ITIH2: variants seen among roughly 807,000 people sequenced by gnomAD.
The protein encoded by ITIH2 is inter-alpha-trypsin inhibitor heavy chain H2.
ITIH2 carries 103 observed loss-of-function variants against 104.4 expected under a neutral mutation model. The observed-to-expected ratio is 0.99, with a 90% CI of 0.84 to 1.16. ITIH2 has a LOEUF of 1.16. ITIH2 is among the 50% of genes most tolerant of loss of function. The pLI is 0.00. For synonymous variants in ITIH2, 436 were observed against 435.4 expected (o/e 1.00, Z -0.02); for missense variants, 1,108 against 1,162.4 (o/e 0.95, Z 0.68).
chr10:7,729,861 C>T, intron 11 of ITIH2, 91 bp from the exon 12 acceptor site: 1 of 784,908 alleles, frequency 1.3e-6, no homozygotes, highest in Non-Finnish European at 2.0e-6. Flanking sequence ...TTAATCTGGA[C>T]ACACTTTACT....
chr10:7,721,754 GAA>G lies in ITIH2; in HGVS notation c.845_846del (p.Glu282GlyfsTer5). 6.2e-7 allele frequency: 1 copy of G among 1,614,078 alleles called. No individual in the cohort carries two copies. The highest frequency in any genetic ancestry group is 1.1e-5 in the South Asian group (1 of 91,076). On this transcript the variant is annotated frameshift_variant, in exon 8 of 21. Coordinates refer to ENST00000358415, the MANE Select transcript of ITIH2 (RefSeq NM_002216.3). LOFTEE classifies it high-confidence loss of function. Reference protein sequence around the residue: ...ELVVLYDVKREEKAGELEVFN... With the variant: ...ELVVLYDVKRXEKAGELEVFN... ...GGTGGTGCTGTATGACGTGAAAAGA[GAA>G]GAGAAGGCTGGTGAACTGGAGGTGA...
At chr10:7,725,593 T>C (rs936423236) in intron 9 of ITIH2, among the ~76,000 whole-genome samples, 4 of 152,182 alleles carry the variant, frequency 2.6e-5, no homozygotes, top group South Asian at 2.1e-4. Flanking sequence ...CCCCAGGACT[T>C]AGCCTGAGTG....
chr10:7,736,904 T>C (rs756530907), intron 15 of ITIH2, among the ~76,000 whole-genome samples: 1 of 152,172 alleles, frequency 6.6e-6, no homozygotes. Context: ...CTCGCTTATC[T>C]GAACTCTTTC....
chr10:7,712,254 C>A (rs1834803288), intron 4 of ITIH2, among the ~76,000 whole-genome samples: 1 of 152,088 alleles, frequency 6.6e-6, no homozygotes, highest in African/African-American at 2.4e-5. Flanking sequence ...TGGTGAGGGC[C>A]CATTTCCTGG....
At chr10:7,718,756 C>T (rs141431371) in intron 6 of ITIH2, among the ~76,000 whole-genome samples, 1 of 152,094 alleles carries the variant, frequency 6.6e-6, no homozygotes, top group African/African-American at 2.4e-5. Flanking sequence ...TTAGCTCCTG[C>T]TTAGAAGTGA....
intron 9 of ITIH2, among the ~76,000 whole-genome samples, chr10:7,725,958 A>T (rs894331571): frequency 1.3e-5 from 2 of 152,192 alleles, no homozygotes; most frequent in African/African-American, 4.8e-5. Context: ...AAAAATCAAG[A>T]GAGAATGAGG....
In ITIH2 at chr10:7,749,434, C is replaced by T; in HGVS notation, c.*100C>T. 1 of 1,042,018 alleles carries T rather than the reference C, an allele frequency of 9.6e-7. No homozygotes were observed. The allele number at this position is 1,042,018 out of a possible 1,614,324, so 64.5% of individuals were successfully genotyped here. On this transcript the variant is annotated 3_prime_UTR_variant, in exon 21 of 21. Coordinates refer to ENST00000358415, the MANE Select transcript of ITIH2 (RefSeq NM_002216.3). ...TGAATAATTAAAATGAACCAGATAT[C>T]AGGGTGGTTAATTAAAATGAACCAG...
intron 14 of ITIH2, among the ~76,000 whole-genome samples, chr10:7,734,574 A>G (rs1482538809): frequency 6.6e-6 from 1 of 152,186 alleles, no homozygotes; most frequent in Non-Finnish European, 1.5e-5. Flanking sequence ...ATGTGCCTGT[A>G]GTCTCAGCTA....
At chr10:7,708,975 T>G in intron 3 of ITIH2, 47 bp from the exon 4 acceptor site, 1 of 1,499,410 alleles carries the variant, frequency 6.7e-7, no homozygotes, top group Non-Finnish European at 9.3e-7. Flanking sequence ...GATGAAGTTC[T>G]GTGTGATTTT....
rs537160383 is a variant in ITIH2, at chr10:7,732,400, G to A, written c.1710G>A (p.Ser570=). The A allele has an allele frequency of 2.8e-5, 45 of 1,613,980 alleles. No homozygotes were observed. Among genetic ancestry groups the A allele is most frequent in the Admixed American group, 2.3e-4 (14 of 60,010 alleles). ...AQMDDLQDFL[S]KDKHADPDFT... ...TGGACGACTTGCAGGATTTTCTATC[G>A]AAAGACAAGCATGCAGATCCCGATT... The change falls in exon 14 of 21, where the codon TCG becomes TCA. Residue 570 remains serine, a synonymous_variant. Transcript: ENST00000358415.
chr10:7,710,967 A>G lies in ITIH2; in HGVS notation c.362+1776A>G, dbSNP rs990373446. ...TTTAAGTTCTGGGATACGTGTGCAGAATGTATAGGTTTGTTACATAGGTAC... is the reference window on the plus strand; with the variant it reads ...TTTAAGTTCTGGGATACGTGTGCAGGATGTATAGGTTTGTTACATAGGTAC... On this transcript the variant is annotated intron_variant, in intron 4 of 20. Transcript: ENST00000358415. 9.2e-5 allele frequency among the ~76,000 whole-genome samples: 14 copies of G among 151,372 alleles called. No homozygotes were observed. The South Asian group carries it at 2.7e-3, about 29-fold the overall frequency.
chr10:7,729,523 T>A (rs12250737), intron 11 of ITIH2, among the ~76,000 whole-genome samples: 1 of 152,154 alleles, frequency 6.6e-6, no homozygotes, highest in South Asian at 2.1e-4. Context: ...CATACATTTA[T>A]ACATGCATGC....
At chr10:7,745,671 C>T (rs934209102) in intron 19 of ITIH2, among the ~76,000 whole-genome samples, 4 of 151,860 alleles carry the variant, frequency 2.6e-5, no homozygotes, top group Admixed American at 1.3e-4. Flanking sequence ...TCTTGAGCCC[C>T]GGAATTGGAG....
In ITIH2 at chr10:7,735,069, GCAGGATCCCTCCTGCTGCT is replaced by G; in HGVS notation, c.1940_1957+1del. 6.2e-7 allele frequency: 1 copy of G among 1,610,226 alleles called. No homozygotes were observed. The highest frequency in any genetic ancestry group is 8.5e-7 in the Non-Finnish European group (1 of 1,179,708). On this transcript the variant is annotated frameshift_variant, in exon 15 of 21. Transcript: ENST00000358415. LOFTEE classifies it high-confidence loss of function. ...AGCGCATGCTGGCGGATGCCCCACC[GCAGGATCCCTCCTGCTGCT>G]CAGGTCAGGGCTGCACCTGTGGGGA...
intron 15 of ITIH2, among the ~76,000 whole-genome samples, chr10:7,738,405 CT>C (rs1326052057): frequency 1.3e-5 from 2 of 149,414 alleles, no homozygotes; most frequent in Non-Finnish European, 2.9e-5. Context: ...CACTGCCACC[CT>C]TGCTCAGGTT....
rs1564304059 is a variant in ITIH2 at position 7,732,471 on chromosome 10, C to A, written c.1781C>A (p.Ala594Asp). The change falls in exon 14 of 21, where the codon GCT (alanine) becomes GAT (aspartate). Residue 594 changes from alanine to aspartate, a missense_variant. By Grantham distance (126) the Ala-to-Asp change is moderately radical. Coordinates refer to ENST00000358415, the MANE Select transcript of ITIH2 (RefSeq NM_002216.3). The part of the protein sequence containing the change: ...WAYLTINQLL[A>D]ERSLAPTAAA... ...TATCTAACCATCAACCAACTGCTAG[C>A]TGAACGGTAAGAAGAGAAGAGTACC... 1 of 1,613,432 alleles carries A rather than the reference C, an allele frequency of 6.2e-7. No individual in the cohort carries two copies. The highest frequency in any genetic ancestry group is 1.3e-5 in the African/African-American group (1 of 75,004).
At chr10:7,708,020 T>C (rs1207868788) in intron 3 of ITIH2, among the ~76,000 whole-genome samples, 1 of 152,226 alleles carries the variant, frequency 6.6e-6, no homozygotes. Context: ...TGGCTTATGT[T>C]GTGCTTCCTG....
intron 20 of ITIH2, among the ~76,000 whole-genome samples, chr10:7,747,896 T>C (rs1380095632): frequency 1.3e-5 from 2 of 151,040 alleles, no homozygotes; most frequent in East Asian, 3.9e-4. Flanking sequence ...GAGACCTGTC[T>C]CATAAATAAA....
chr10:7,746,718 G>C lies in ITIH2; in HGVS notation c.2693+14G>C. 1 of 1,538,006 alleles carries C rather than the reference G, an allele frequency of 6.5e-7. No homozygotes were observed. The highest frequency in any genetic ancestry group is 9.0e-7 in the Non-Finnish European group (1 of 1,112,014). ...GATCATCACCAGGTAGGCCTCGGGC[G>C]TAAGGACAGTGACGAAAAGGCCTTG... On this transcript the variant is annotated intron_variant, in intron 20 of 20. Transcript: ENST00000358415.
Sources: gnomAD v4.1 joint callset for allele counts (sites outside exome capture counted in the v4.1 genomes callset) on GRCh38, gnomAD v4.1.1 for gene constraint, MANE v1.5 for transcripts, NCBI Gene and HGNC (gene_info 2026-07-23, HGNC 2026-07-21) for gene names.